Variants in TACR1 observed in about 807,000 individuals in gnomAD.
TACR1 encodes the protein substance-P receptor.
A neutral mutation model predicts 35.8 loss-of-function variants in TACR1; 25 were observed. That is an observed-to-expected ratio of 0.70 (90% CI 0.51 to 0.98). The LOEUF is 0.98. TACR1 is among the 50% of genes least tolerant of loss of function. TACR1 has a pLI of 0.00. For synonymous variants in TACR1, 195 were observed against 206.7 expected, an observed-to-expected ratio of 0.94 and a Z score of 0.48; for missense variants, 478 against 522.9, an observed-to-expected ratio of 0.91 and a Z score of 0.84.
rs766762362 is a variant in TACR1 at position 75,120,782 on chromosome 2, G to C, written c.390-14C>G. On this transcript the variant is annotated splice_polypyrimidine_tract_variant and intron_variant, in intron 1 of 4. Transcript: ENST00000305249. ...ATGGCCATGTACCTGGAACAGAGAAGAAAGAACAAAGTTCTGATCTGGTCA... is the reference window on the plus strand; with the variant it reads ...ATGGCCATGTACCTGGAACAGAGAACAAAGAACAAAGTTCTGATCTGGTCA... The C allele has an allele frequency of 1.9e-6, 3 of 1,585,664 alleles. No individual in the cohort carries two copies. The East Asian group carries it at 6.8e-5, about 36-fold the overall frequency.
Position 75,052,592 on chromosome 2 carries a change from T to C in TACR1, c.735+1013A>G, listed in dbSNP as rs1358628719. 7.2e-5 allele frequency among the ~76,000 whole-genome samples: 11 copies of C among 152,312 alleles called. No individual in the cohort carries two copies. In the East Asian group the frequency reaches 2.1e-3, roughly 29 times the overall value. ...AGGAATGAGAAAGCTCTTTATATAC[T>C]GATTTTCAAAAATCTTGTCAATTTT... On this transcript the variant is annotated intron_variant, in intron 3 of 4. Transcript: ENST00000305249.
At position 75,053,638 on chromosome 2, in the gene TACR1, G is replaced by C; in HGVS notation, c.702C>G (p.Asp234Glu). 1.9e-6 allele frequency: 3 copies of C among 1,592,436 alleles called. No individual in the cohort carries two copies. The highest frequency in any genetic ancestry group is 1.7e-5 in the Admixed American group (1 of 57,766). ...WASEIPGDSSDRYHEQVSAKR... is the reference protein window; with the variant it reads ...WASEIPGDSSERYHEQVSAKR... ...TGGCAGAGACTTGCTCGTGGTAGCGGTCAGAGGAGTCCCCGGGGATCTCAC... is the reference window on the plus strand; with the variant it reads ...TGGCAGAGACTTGCTCGTGGTAGCGCTCAGAGGAGTCCCCGGGGATCTCAC... The change falls in exon 3 of 5, where the codon GAC becomes GAG. Residue 234 changes from aspartate to glutamate, a missense_variant. Transcript: ENST00000305249.
chr2:75,140,217 G>A (rs1674375311), intron 1 of TACR1, among the ~76,000 whole-genome samples: 1 of 152,034 alleles, frequency 6.6e-6, no homozygotes, highest in Non-Finnish European at 1.5e-5. Flanking sequence ...ATTTTTAGGG[G>A]TAGGAGGCTG....
chr2:75,049,595 A>G lies in TACR1; in HGVS notation c.1061T>C (p.Leu354Pro). 2 of 1,614,136 alleles carry G rather than the reference A, an allele frequency of 1.2e-6. No individual in the cohort carries two copies. The highest frequency in any genetic ancestry group is 1.7e-6 in the Non-Finnish European group (2 of 1,179,986). ...CACCACTGTGGAGATGGTGGTCTCCAGGCGGCTGACTTTGTACACACTGCC... is the reference window on the plus strand; with the variant it reads ...CACCACTGTGGAGATGGTGGTCTCCGGGCGGCTGACTTTGTACACACTGCC... ...TQGSVYKVSR[L>P]ETTISTVVGA... is the part of the protein sequence containing the mutation. Residue 354 changes from leucine to proline, a missense_variant, in exon 5 of 5, where the codon CTG becomes CCG. Coordinates refer to ENST00000305249, the MANE Select transcript of TACR1 (RefSeq NM_001058.4).
chr2:75,192,422 A>G (rs181608210), intron 1 of TACR1, among the ~76,000 whole-genome samples: 207 of 152,372 alleles, frequency 1.4e-3, no homozygotes, highest in African/African-American at 4.8e-3. Context: ...TGATGATTTA[A>G]TAATTTATTG....
intron 1 of TACR1, among the ~76,000 whole-genome samples, chr2:75,185,338 A>G (rs1173564008): frequency 2.6e-5 from 4 of 152,074 alleles, no homozygotes; most frequent in Admixed American, 6.6e-5. Flanking sequence ...TTTTATGCAT[A>G]ATAACAAAGA....
At chr2:75,072,591 C>T (rs1217509775) in intron 2 of TACR1, among the ~76,000 whole-genome samples, 1 of 152,334 alleles carries the variant, frequency 6.6e-6, no homozygotes, top group East Asian at 1.9e-4. Context: ...AGATCACAAT[C>T]AGATATGGCA....
intron 1 of TACR1, among the ~76,000 whole-genome samples, chr2:75,133,206 A>C (rs1276634061): frequency 6.6e-6 from 1 of 152,224 alleles, no homozygotes. Flanking sequence ...TACTTCTTGC[A>C]AGACAATGAA....
chr2:75,075,791 CAGA>C lies in TACR1; in HGVS notation c.585-22039_585-22037del, dbSNP rs887952334. Reference sequence around the variant, plus strand: ...AAGACTCAGATTAAAAGTAAAAGGACAGAAGAAGATATTTTAAGCTAGAAGTAA... The same window carrying C: ...AAGACTCAGATTAAAAGTAAAAGGACAGAAGATATTTTAAGCTAGAAGTAA... On this transcript the variant is annotated intron_variant, in intron 2 of 4. Transcript: ENST00000305249. Among the ~76,000 whole-genome samples the C allele has an allele frequency of 9.2e-5, 14 of 152,228 alleles. No homozygotes were observed. The South Asian group carries it at 2.1e-3, about 23-fold the overall frequency.
intron 1 of TACR1, among the ~76,000 whole-genome samples, chr2:75,122,192 G>A (rs560282987): frequency 1.5e-4 from 23 of 152,282 alleles, no homozygotes; most frequent in African/African-American, 5.5e-4. Context: ...AGTCTTAGGG[G>A]AGCTGCGGAG....
At chr2:75,182,536 T>C (rs992186407) in intron 1 of TACR1, among the ~76,000 whole-genome samples, 1 of 152,220 alleles carries the variant, frequency 6.6e-6, no homozygotes, top group Non-Finnish European at 1.5e-5. Context: ...ACTAAGTATA[T>C]GATGGTGCTT....
chr2:75,113,726 T>A (rs1286262255), intron 2 of TACR1, among the ~76,000 whole-genome samples: 1 of 151,944 alleles, frequency 6.6e-6, no homozygotes, highest in East Asian at 1.9e-4. Context: ...GTAGTGGGTG[T>A]CAGGGGAAGA....
intron 1 of TACR1, among the ~76,000 whole-genome samples, chr2:75,129,307 A>G (rs977507324): frequency 3.3e-5 from 5 of 152,180 alleles, no homozygotes; most frequent in African/African-American, 9.7e-5. Context: ...TAGTTAGGAA[A>G]ATGTAGTTGG....
At chr2:75,117,926 C>T (rs1156269286) in intron 2 of TACR1, among the ~76,000 whole-genome samples, 1 of 152,202 alleles carries the variant, frequency 6.6e-6, no homozygotes, top group Non-Finnish European at 1.5e-5. Context: ...GTTGAAAAAT[C>T]GCAAGTTGAA....
Position 75,130,599 on chromosome 2 carries a change from A to T in TACR1, c.390-9831T>A, listed in dbSNP as rs1235946200. ...ATAAGTTATAATTTCAAAGAAGCAC[A>T]CATCAAATGAAAAGTTTAGTACTGG... On this transcript the variant is annotated intron_variant, in intron 1 of 4. Transcript: ENST00000305249. 4.6e-5 allele frequency among the ~76,000 whole-genome samples: 7 copies of T among 152,254 alleles called. No homozygotes were observed. The East Asian group carries it at 1.3e-3, about 29-fold the overall frequency.
At chr2:75,161,642 T>C (rs1385212540) in intron 1 of TACR1, among the ~76,000 whole-genome samples, 1 of 151,952 alleles carries the variant, frequency 6.6e-6, no homozygotes, top group African/African-American at 2.4e-5. Flanking sequence ...AAAGGAGGTA[T>C]AAAAATGAAA....
At chr2:75,167,040 A>G (rs1383948401) in intron 1 of TACR1, among the ~76,000 whole-genome samples, 1 of 152,306 alleles carries the variant, frequency 6.6e-6, no homozygotes, top group Non-Finnish European at 1.5e-5. Flanking sequence ...ATAAGACTAC[A>G]TTATGATAAT....
intron 2 of TACR1, among the ~76,000 whole-genome samples, chr2:75,069,364 T>A (rs1487278582): frequency 6.6e-6 from 1 of 151,530 alleles, no homozygotes; most frequent in African/African-American, 2.4e-5. Flanking sequence ...ATAGTGAGTT[T>A]TAAAAAATGA....
intron 2 of TACR1, among the ~76,000 whole-genome samples, chr2:75,089,469 C>T (rs1422120450): frequency 6.6e-6 from 1 of 152,184 alleles, no homozygotes; most frequent in Non-Finnish European, 1.5e-5. Context: ...TTACGTTAAA[C>T]ATGAGCGGGT....
Sources: allele counts gnomAD v4.1 joint callset (sites outside exome capture counted in the v4.1 genomes callset), GRCh38; gene constraint gnomAD v4.1.1; transcripts MANE v1.5; gene names NCBI Gene and HGNC (gene_info 2026-07-23, HGNC 2026-07-21).